DOCK3: variants seen among roughly 807,000 people sequenced by gnomAD.
DOCK3 encodes the protein dedicator of cytokinesis protein 3.
In DOCK3, 60 loss-of-function variants were observed where a neutral mutation model predicts 265.6. The observed-to-expected ratio is 0.23, with a 90% CI of 0.18 to 0.28. DOCK3 has a LOEUF of 0.28. Ranked by LOEUF, DOCK3 falls within the 10% of genes least tolerant of loss-of-function variation. The pLI is 1.00. For synonymous variants in DOCK3, 881 were observed against 938.0 expected (o/e 0.94, Z 1.11); for missense variants, 1,981 against 2,594.3 (o/e 0.76, Z 5.14).
At chr3:50,991,547 A>AAT (rs749789673) in intron 5 of DOCK3, among the ~76,000 whole-genome samples, 157 of 152,374 alleles carry the variant, frequency 1.0e-3, no homozygotes, top group Non-Finnish European at 1.9e-3. Context: ...AATTATCTTA[A>AAT]ATATATATGC....
At chr3:50,786,751 G>A (rs1474453893) in intron 2 of DOCK3, 2 of 734,736 alleles carry the variant, frequency 2.7e-6, no homozygotes, top group Non-Finnish European at 5.2e-6. Flanking sequence ...ACTGCTTCGT[G>A]TTGAAATCCT....
rs1398220124 is a variant in DOCK3 at position 51,348,451 on chromosome 3, C to G, written c.3916-401C>G. ...TACCTGATACATCCCTGGCATTGTTCTAGTCTCTGAGAACAAAATAAACAG... is the reference window on the plus strand; with the variant it reads ...TACCTGATACATCCCTGGCATTGTTGTAGTCTCTGAGAACAAAATAAACAG... On this transcript the variant is annotated intron_variant, in intron 38 of 52. Transcript: ENST00000266037. Among the ~76,000 whole-genome samples, 4 of 152,214 alleles carry G rather than the reference C, an allele frequency of 2.6e-5. No homozygotes were observed. In the East Asian group the frequency reaches 7.7e-4, roughly 29 times the overall value.
At chr3:50,739,068 G>A (rs912655872) in intron 1 of DOCK3, among the ~76,000 whole-genome samples, 1 of 151,840 alleles carries the variant, frequency 6.6e-6, no homozygotes, top group South Asian at 2.1e-4. Context: ...GAGTTTTTGG[G>A]GGGGGGTTAT....
At chr3:50,692,039 TG>T (rs1308164446) in intron 1 of DOCK3, among the ~76,000 whole-genome samples, 1 of 151,860 alleles carries the variant, frequency 6.6e-6, no homozygotes, top group Non-Finnish European at 1.5e-5. Flanking sequence ...CTCAGCCTCC[TG>T]GGTAGCTGGG....
Position 51,158,883 on chromosome 3 carries a change from T to G in DOCK3, c.829-361T>G, listed in dbSNP as rs114546456. ...ATGAGCTTTTTGGTGTTTTCCCAAT[T>G]TTTTCTTTACTGAACATTTATTCCT... On this transcript the variant is annotated intron_variant, in intron 10 of 52. Coordinates refer to ENST00000266037, the MANE Select transcript of DOCK3 (RefSeq NM_004947.5). Among the ~76,000 whole-genome samples, 415 of 152,344 alleles carry G rather than the reference T, an allele frequency of 2.7e-3. 1 individual carries two copies. Among genetic ancestry groups the G allele is most frequent in the African/African-American group, 9.4e-3 (389 of 41,586 alleles).
At chr3:50,963,875 G>C (rs1167997446) in intron 5 of DOCK3, among the ~76,000 whole-genome samples, 3 of 152,206 alleles carry the variant, frequency 2.0e-5, no homozygotes, top group Admixed American at 6.5e-5. Context: ...GCCGGACACA[G>C]TACTGAAGAG....
At chr3:50,975,394 A>G (rs2077408386) in intron 5 of DOCK3, among the ~76,000 whole-genome samples, 2 of 150,258 alleles carry the variant, frequency 1.3e-5, no homozygotes, top group South Asian at 2.1e-4. Context: ...ATCTATTGAG[A>G]TAATCATGTG....
chr3:51,110,218 C>T (rs567610736), intron 9 of DOCK3, among the ~76,000 whole-genome samples: 6 of 152,094 alleles, frequency 3.9e-5, no homozygotes, highest in South Asian at 4.1e-4. Context: ...CTAGACCAGA[C>T]GGATTCACAG....
intron 22 of DOCK3, among the ~76,000 whole-genome samples, chr3:51,253,340 C>G (rs575045374): frequency 1.2e-4 from 19 of 152,220 alleles, no homozygotes; most frequent in African/African-American, 4.6e-4. Context: ...TTTGTTGTGT[C>G]TCTGCCAGGC....
chr3:51,113,285 A>C (rs2083597724), intron 9 of DOCK3, among the ~76,000 whole-genome samples: 1 of 152,184 alleles, frequency 6.6e-6, no homozygotes, highest in Non-Finnish European at 1.5e-5. Context: ...GCAGTTAGGC[A>C]TGACCTCTCT....
chr3:50,884,919 GGT>G (rs1350756319), intron 3 of DOCK3, among the ~76,000 whole-genome samples: 1 of 151,806 alleles, frequency 6.6e-6, no homozygotes, highest in Non-Finnish European at 1.5e-5. Flanking sequence ...TTGACATTAG[GGT>G]TTACTCTTTG....
intron 49 of DOCK3, among the ~76,000 whole-genome samples, chr3:51,368,549 C>T (rs573349367): frequency 1.6e-4 from 24 of 152,172 alleles, no homozygotes; most frequent in Non-Finnish European, 2.9e-4. Context: ...GTAAACAAAG[C>T]GGCTGGGAAG....
chr3:50,714,862 T>C (rs895601213), intron 1 of DOCK3, among the ~76,000 whole-genome samples: 5 of 152,236 alleles, frequency 3.3e-5, no homozygotes, highest in African/African-American at 1.2e-4. Flanking sequence ...TCTAACACTT[T>C]TACTCCTTTT....
intron 1 of DOCK3, among the ~76,000 whole-genome samples, chr3:50,762,145 T>C (rs1189960184): frequency 6.6e-6 from 1 of 151,906 alleles, no homozygotes; most frequent in African/African-American, 2.4e-5. Context: ...TTAGGAGATA[T>C]ACCTAATGTA....
chr3:51,202,292 G>A (rs2088841325), intron 12 of DOCK3, among the ~76,000 whole-genome samples: 2 of 151,040 alleles, frequency 1.3e-5, no homozygotes, highest in African/African-American at 4.9e-5. Flanking sequence ...AAGAAAAAAA[G>A]AGAGAAGAAT....
intron 12 of DOCK3, among the ~76,000 whole-genome samples, chr3:51,201,302 T>C (rs1398976074): frequency 6.6e-6 from 1 of 150,770 alleles, no homozygotes; most frequent in Non-Finnish European, 1.5e-5. Context: ...GAGACACACA[T>C]AGGCTCAAAA....
chr3:51,230,662 G>A (rs1017905327), intron 19 of DOCK3, among the ~76,000 whole-genome samples: 1 of 152,000 alleles, frequency 6.6e-6, no homozygotes, highest in South Asian at 2.1e-4. Context: ...GACTACAGGC[G>A]CGTGCCACCA....
intron 5 of DOCK3, among the ~76,000 whole-genome samples, chr3:50,943,873 C>T (rs2076361764): frequency 6.6e-6 from 1 of 152,034 alleles, no homozygotes; most frequent in Non-Finnish European, 1.5e-5. Context: ...CTATGATAGG[C>T]TCATTATTAG....
chr3:50,970,902 TA>T (rs2077190598), intron 5 of DOCK3, among the ~76,000 whole-genome samples: 2 of 38,386 alleles, frequency 5.2e-5, no homozygotes, highest in Non-Finnish European at 1.0e-4. Context: ...TATATATATA[TA>T]TATATATATA....
Sources: gnomAD v4.1 joint callset for allele counts (sites outside exome capture counted in the v4.1 genomes callset) on GRCh38, gnomAD v4.1.1 for gene constraint, MANE v1.5 for transcripts, NCBI Gene and HGNC (gene_info 2026-07-23, HGNC 2026-07-21) for gene names.